Variants in INPP5F observed in about 807,000 individuals in gnomAD.
INPP5F encodes the protein phosphatidylinositide 4-phosphatase SAC2.
A neutral mutation model predicts 137.2 loss-of-function variants in INPP5F; 97 were observed. The ratio of observed to expected loss-of-function variants is 0.71; its 90% CI spans 0.60 to 0.84. The LOEUF (loss-of-function observed/expected upper bound fraction) is 0.84. INPP5F is among the 40% of genes least tolerant of loss of function. INPP5F has a pLI of 0.00. For missense variants in INPP5F, 1,271 were observed against 1,371.9 expected (o/e 0.93, Z 1.16); for synonymous variants, 504 against 476.9 (o/e 1.06, Z -0.74).
At position 119,820,837 on chromosome 10, in the gene INPP5F, T is replaced by C. The variant is rs777564462; in HGVS notation, c.1887-9T>C. On this transcript the variant is annotated splice_polypyrimidine_tract_variant and intron_variant, in intron 15 of 19. Coordinates refer to ENST00000650623, the MANE Select transcript of INPP5F (RefSeq NM_014937.4). ...AAAATACTTAATCTCCTGTGTCATA[T>C]TTGTTTAGCCTCATTGATGCTACTC... 5.6e-6 allele frequency: 9 copies of C among 1,597,364 alleles called. No homozygotes were observed. Among genetic ancestry groups the C allele is most frequent in the African/African-American group, 1.3e-5 (1 of 74,710 alleles).
chr10:119,745,489 T>G (rs1040372462), intron 1 of INPP5F, among the ~76,000 whole-genome samples: 2 of 152,070 alleles, frequency 1.3e-5, no homozygotes, highest in African/African-American at 4.8e-5. Context: ...AACTTTTGTT[T>G]CTGGTACTTA....
At chr10:119,786,719 A>G (rs196206) in intron 3 of INPP5F, among the ~76,000 whole-genome samples, 54,108 of 151,402 alleles carry the variant, frequency 0.36, 9,955 homozygotes, top group South Asian at 0.44. Flanking sequence ...GGGTCTCACT[A>G]TATTACCCAT....
chr10:119,794,419 C>G (rs1179313137), intron 6 of INPP5F, among the ~76,000 whole-genome samples: 1 of 151,946 alleles, frequency 6.6e-6, no homozygotes, highest in African/African-American at 2.4e-5. Flanking sequence ...ACGTCTACCT[C>G]TTTCTACACA....
chr10:119,818,305 A>G lies in INPP5F; in HGVS notation c.1887-2541A>G, dbSNP rs1321962385. ...CAGGGCCCGCCTCGCCTCTCCGCTA[A>G]GCCAAGTGGTGTTCCCAACTTGCTT... is the stretch of plus-strand genomic sequence containing the variant. On this transcript the variant is annotated intron_variant, in intron 15 of 19. Transcript: ENST00000650623. 2.0e-5 allele frequency among the ~76,000 whole-genome samples: 3 copies of G among 152,250 alleles called. No individual in the cohort carries two copies. In the East Asian group the frequency reaches 5.8e-4, roughly 29 times the overall value.
At position 119,796,829 on chromosome 10, in the gene INPP5F, C is replaced by A. The variant is rs565201983; in HGVS notation, c.784C>A (p.Pro262Thr). ...SDDEKSSPET[P>T]PQESTCVDDI... ...TGATGAGAAAAGCAGCCCAGAGACCCCCCCTCAGGAGTCCACCTGTGTAGA... is the reference window on the plus strand; with the variant it reads ...TGATGAGAAAAGCAGCCCAGAGACCACCCCTCAGGAGTCCACCTGTGTAGA... Residue 262 changes from proline to threonine, a missense_variant, in exon 7 of 20, where the codon CCC becomes ACC. By Grantham distance (38) the Pro-to-Thr change is conservative (BLOSUM62 -1). This residue lies in a region of INPP5F where 593 missense variants were observed against 712.4 expected (regional missense o/e 0.83). Transcript: ENST00000650623. 1.9e-6 allele frequency: 3 copies of A among 1,613,398 alleles called. No individual in the cohort carries two copies. In the South Asian group the frequency reaches 3.3e-5, roughly 18 times the overall value.
intron 1 of INPP5F, among the ~76,000 whole-genome samples, chr10:119,729,592 T>C (rs1847992006): frequency 7.4e-6 from 1 of 135,172 alleles, no homozygotes; most frequent in South Asian, 2.3e-4. Context: ...TTTTTTTTTT[T>C]CTGAGACAGG....
intron 1 of INPP5F, among the ~76,000 whole-genome samples, chr10:119,750,307 C>G (rs1235037110): frequency 6.6e-6 from 1 of 152,192 alleles, no homozygotes; most frequent in Non-Finnish European, 1.5e-5. Context: ...CTTCACCTGT[C>G]GAACTACCAC....
At position 119,822,447 on chromosome 10, in the gene INPP5F, G is replaced by T; in HGVS notation, c.1975G>T (p.Asp659Tyr). ...YYVAYYDDEVDKVNQYQRLSL... is the reference protein window; with the variant it reads ...YYVAYYDDEVYKVNQYQRLSL... ...TTTATCTAGTTATGATGATGAAGTT[G>T]ATAAAGTAAACCAGTATCAACGACT... The change falls in exon 17 of 20, where the codon GAT becomes TAT. Residue 659 changes from aspartate to tyrosine, a missense_variant. Coordinates refer to ENST00000650623, the MANE Select transcript of INPP5F (RefSeq NM_014937.4). 2.0e-6 allele frequency: 3 copies of T among 1,521,912 alleles called. No homozygotes were observed. The South Asian group carries it at 3.7e-5, about 19-fold the overall frequency. 94.3% of individuals were successfully genotyped at this position (1,521,912 alleles called of 1,614,324 possible). A position where few individuals can be genotyped will look rare whatever the true frequency, so the allele number is the denominator to read the frequency against.
At chr10:119,813,082 G>A (rs934723357) in intron 15 of INPP5F, among the ~76,000 whole-genome samples, 7 of 152,054 alleles carry the variant, frequency 4.6e-5, no homozygotes, top group African/African-American at 1.5e-4. Flanking sequence ...GTCTACTTTG[G>A]GATAATCAAA....
chr10:119,804,164 C>G lies in INPP5F; in HGVS notation c.1117-9C>G. ...TAACTAAATTTTTTCTGTTTCTTTG[C>G]TCTTATAGGTTATTATTAACTTGGT... On this transcript the variant is annotated splice_polypyrimidine_tract_variant and intron_variant, in intron 9 of 19. Coordinates refer to ENST00000650623, the MANE Select transcript of INPP5F (RefSeq NM_014937.4). 1 of 1,579,144 alleles carries G rather than the reference C, an allele frequency of 6.3e-7. No individual in the cohort carries two copies. The highest frequency in any genetic ancestry group is 8.6e-7 in the Non-Finnish European group (1 of 1,164,116).
At chr10:119,785,522 CT>C (rs889158966) in intron 3 of INPP5F, among the ~76,000 whole-genome samples, 1 of 105,062 alleles carries the variant, frequency 9.5e-6, no homozygotes, top group African/African-American at 3.4e-5. Flanking sequence ...ATCTCCTGAC[CT>C]TGTGATCCGC....
intron 2 of INPP5F, among the ~76,000 whole-genome samples, chr10:119,769,970 AAAAT>A (rs1266213466): frequency 6.6e-6 from 1 of 151,818 alleles, no homozygotes; most frequent in Non-Finnish European, 1.5e-5. Flanking sequence ...ATGCAGGAGA[AAAAT>A]TTTTTTTTCT....
At position 119,826,714 on chromosome 10, in the gene INPP5F, T is replaced by C. The variant is rs202058130; in HGVS notation, c.2333T>C (p.Met778Thr). The change falls in exon 20 of 20, where the codon ATG becomes ACG. Residue 778 changes from methionine to threonine, a missense_variant. Around this residue, in one of 6 missense-constraint regions of INPP5F, gnomAD observed 490 missense variants for 443.7 expected, o/e 1.10. Transcript: ENST00000650623. ...TTGGCCCAGGGAAAGAATTTTTTAA[T>C]GAGCAAATTTTCATCTCTAAATCAA... ...GSLAQGKNFL[M>T]SKFSSLNQKV... is the part of the protein sequence containing the mutation. 1.2e-6 allele frequency: 2 copies of C among 1,613,064 alleles called. No individual in the cohort carries two copies. Among genetic ancestry groups the C allele is most frequent in the East Asian group, 4.5e-5 (2 of 44,874 alleles).
At chr10:119,771,392 CT>C (rs891704944) in intron 2 of INPP5F, among the ~76,000 whole-genome samples, 13 of 147,854 alleles carry the variant, frequency 8.8e-5, no homozygotes, top group Non-Finnish European at 9.0e-5. Flanking sequence ...GCAGAAGGAG[CT>C]TTTTTTTTTA....
chr10:119,812,537 T>A (rs1000484702), intron 15 of INPP5F, among the ~76,000 whole-genome samples: 1 of 152,178 alleles, frequency 6.6e-6, no homozygotes, highest in Non-Finnish European at 1.5e-5. Context: ...TTTGGGAAAT[T>A]GTAGCCCAAG....
At chr10:119,795,021 G>A (rs1331867519) in intron 6 of INPP5F, among the ~76,000 whole-genome samples, 40 of 135,128 alleles carry the variant, frequency 3.0e-4, no homozygotes, top group African/African-American at 1.0e-3. Flanking sequence ...CTGGCCGGGC[G>A]GGGGGCTGAC....
At chr10:119,805,517 C>A in intron 11 of INPP5F, 56 bp downstream of exon 11, 1 of 1,172,092 alleles carries the variant, frequency 8.5e-7, no homozygotes, top group South Asian at 1.2e-5. Flanking sequence ...AAAATAGTAC[C>A]ACTGAGCATT....
At chr10:119,815,456 A>G (rs904085003) in intron 15 of INPP5F, 1 of 153,918 alleles carries the variant, frequency 6.5e-6, no homozygotes, top group Admixed American at 6.5e-5. Context: ...TTTGATCTTC[A>G]TCCTTTGGGA....
At chr10:119,733,405 G>A (rs1848141072) in intron 1 of INPP5F, among the ~76,000 whole-genome samples, 1 of 152,198 alleles carries the variant, frequency 6.6e-6, no homozygotes, top group Admixed American at 6.5e-5. Context: ...TTTGGGAAGG[G>A]AATAGATACA....
Sources: allele counts gnomAD v4.1 joint callset (sites outside exome capture counted in the v4.1 genomes callset), GRCh38; gene constraint gnomAD v4.1.1; regional missense constraint gnomAD v4.1.1; transcripts MANE v1.5; gene names NCBI Gene and HGNC (gene_info 2026-07-23, HGNC 2026-07-21).